The following GLIS3 variants were observed in gnomAD, a reference collection of about 807,000 sequenced individuals.
The protein encoded by GLIS3 is GLIS family zinc finger 3, also known as zinc finger protein GLIS3.
Under a neutral mutation model 78.6 loss-of-function variants are expected in GLIS3, and 53 were observed. That is an observed-to-expected ratio of 0.67 (90% confidence interval 0.54 to 0.85). The LOEUF (loss-of-function observed/expected upper bound fraction) is 0.85. Ranked by LOEUF, GLIS3 falls within the 40% of genes least tolerant of loss-of-function variation. The probability of loss-of-function intolerance (pLI) is 0.00; values close to 1 mark genes in which losing one functional copy is unlikely to be tolerated. For synonymous variants in GLIS3, 684 were observed against 509.9 expected (o/e 1.34, Z -4.60); for missense variants, 1,703 against 1,231.1 (o/e 1.38, Z -5.74).
intron 2 of GLIS3, among the ~76,000 whole-genome samples, chr9:4,267,943 ACCTGTGTG>A (rs1213095721): frequency 2.7e-5 from 2 of 74,632 alleles, no homozygotes; most frequent in South Asian, 3.3e-4. Context: ...TTATAAAAAT[ACCTGTGTG>A]TGTGTGTGTG....
At chr9:3,842,619 T>G (rs543052823) in intron 9 of GLIS3, among the ~76,000 whole-genome samples, 1 of 152,304 alleles carries the variant, frequency 6.6e-6, no homozygotes, top group South Asian at 2.1e-4. Flanking sequence ...TCTAGGCCAA[T>G]GATTCTTACC....
At chr9:4,167,988 C>T (rs1252954659) in intron 2 of GLIS3, among the ~76,000 whole-genome samples, 6 of 152,330 alleles carry the variant, frequency 3.9e-5, no homozygotes, top group Non-Finnish European at 8.8e-5. Context: ...AGGCAAGGAA[C>T]CACAGGAGGA....
At chr9:4,393,265 G>C in the GLIS3 span, among the ~76,000 whole-genome samples, 1 of 151,914 alleles carries the variant, frequency 6.6e-6, no homozygotes, top group South Asian at 2.1e-4. Context: ...TCTATTTCTA[G>C]CTCTAACACT....
At chr9:4,052,020 G>A (rs957094317) in intron 4 of GLIS3, among the ~76,000 whole-genome samples, 11 of 152,118 alleles carry the variant, frequency 7.2e-5, no homozygotes, top group Admixed American at 3.3e-4. Flanking sequence ...GGAGAGGCCC[G>A]GGTATAAAAC....
intron 9 of GLIS3, among the ~76,000 whole-genome samples, chr9:3,849,560 G>A (rs1012262544): frequency 6.6e-6 from 1 of 152,180 alleles, no homozygotes; most frequent in African/African-American, 2.4e-5. Context: ...CATGGGCACT[G>A]CTGACTCTGT....
chr9:4,205,652 G>C (rs935425434), intron 2 of GLIS3, among the ~76,000 whole-genome samples: 2 of 152,162 alleles, frequency 1.3e-5, no homozygotes, highest in Non-Finnish European at 2.9e-5. Context: ...GGTCCTTGGT[G>C]AATCATTTCA....
chr9:4,297,159 G>C (rs186362641), intron 1 of GLIS3, among the ~76,000 whole-genome samples: 4 of 152,142 alleles, frequency 2.6e-5, no homozygotes, highest in Non-Finnish European at 5.9e-5. Flanking sequence ...GGGAGGTCCA[G>C]TGAGGAACAA....
intron 2 of GLIS3, among the ~76,000 whole-genome samples, chr9:4,186,743 T>C (rs1263076660): frequency 1.3e-5 from 2 of 152,206 alleles, no homozygotes; most frequent in African/African-American, 4.8e-5. Flanking sequence ...ATTTCTCTGA[T>C]GGCCAGTGAT....
chr9:4,029,151 G>C (rs1180841337), intron 4 of GLIS3, among the ~76,000 whole-genome samples: 1 of 151,848 alleles, frequency 6.6e-6, no homozygotes, highest in Non-Finnish European at 1.5e-5. Context: ...CTTACTGATA[G>C]CCTCCTCAAT....
intron 4 of GLIS3, among the ~76,000 whole-genome samples, chr9:4,046,687 A>T (rs78271766): frequency 0.15 from 23,351 of 152,206 alleles, 2,386 homozygotes; most frequent in East Asian, 0.46. Context: ...TTTTGAGGGA[A>T]GTACATTCAC....
chr9:4,057,642 T>C (rs557211222), intron 4 of GLIS3, among the ~76,000 whole-genome samples: 4 of 150,028 alleles, frequency 2.7e-5, no homozygotes, highest in Middle Eastern at 3.4e-3. Flanking sequence ...TGAAAAAAAA[T>C]TGAAGAAGAA....
chr9:4,448,572 G>C, the GLIS3 span, among the ~76,000 whole-genome samples: 1 of 152,308 alleles, frequency 6.6e-6, no homozygotes, highest in East Asian at 1.9e-4. Flanking sequence ...GATATTTCCA[G>C]CTTCTTGTGG....
chr9:4,075,868 G>A (rs924578682), intron 4 of GLIS3, among the ~76,000 whole-genome samples: 1 of 152,174 alleles, frequency 6.6e-6, no homozygotes, highest in Non-Finnish European at 1.5e-5. Context: ...TGTACATACA[G>A]CATTATTCCA....
intron 2 of GLIS3, among the ~76,000 whole-genome samples, chr9:4,149,760 C>G (rs1255334638): frequency 6.6e-6 from 1 of 152,052 alleles, no homozygotes; most frequent in Non-Finnish European, 1.5e-5. Flanking sequence ...ATGGTAGGAG[C>G]AGGTGAAACA....
chr9:4,329,393 G>C (rs1191906956), intron 2 of GLIS3, among the ~76,000 whole-genome samples: 2 of 151,712 alleles, frequency 1.3e-5, no homozygotes, highest in South Asian at 2.1e-4. Context: ...TACAAATATT[G>C]ACAACTGAAA....
chr9:4,462,998 T>A, the GLIS3 span, among the ~76,000 whole-genome samples: 1 of 152,186 alleles, frequency 6.6e-6, no homozygotes, highest in Non-Finnish European at 1.5e-5. Context: ...GAAATCCATG[T>A]CTGTACCAAC....
At chr9:4,222,819 T>A (rs141106666) in intron 2 of GLIS3, among the ~76,000 whole-genome samples, 184 of 152,318 alleles carry the variant, frequency 1.2e-3, no homozygotes, top group Non-Finnish European at 2.1e-3. Context: ...ATAAAAGACA[T>A]CAAATTCATT....
rs1356423255 is a variant in GLIS3 at position 4,202,174 on chromosome 9, G to A, written c.389-76233C>T. Reference sequence around the variant, plus strand: ...TTTCTTTTTTTTTTTTTTTTGAGACGGAGTCTTGCTCTGTTGCCCAAGCTG... The same window carrying A: ...TTTCTTTTTTTTTTTTTTTTGAGACAGAGTCTTGCTCTGTTGCCCAAGCTG... On this transcript the variant is annotated intron_variant, in intron 2 of 10. Coordinates refer to ENST00000381971, the MANE Select transcript of GLIS3 (RefSeq NM_001042413.2). Among the ~76,000 whole-genome samples, 4 of 118,168 alleles carry A rather than the reference G, an allele frequency of 3.4e-5. 1 individual carries two copies. Among genetic ancestry groups the A allele is most frequent in the South Asian group, 2.7e-4 (1 of 3,728 alleles). The allele number at this position is 118,168 out of a possible 152,430, so 77.5% of individuals were successfully genotyped here.
At chr9:4,075,592 A>G (rs958547526) in intron 4 of GLIS3, among the ~76,000 whole-genome samples, 4 of 152,160 alleles carry the variant, frequency 2.6e-5, no homozygotes, top group Non-Finnish European at 4.4e-5. Context: ...AAACAAAACA[A>G]AACAAAAAAG....
Sources: allele counts gnomAD v4.1 joint callset (sites outside exome capture counted in the v4.1 genomes callset), GRCh38; gene constraint gnomAD v4.1.1; transcripts MANE v1.5; gene names NCBI Gene and HGNC (gene_info 2026-07-23, HGNC 2026-07-21).